Variants in CFAP47 observed in about 807,000 individuals in gnomAD.
The protein encoded by CFAP47 is cilia and flagella associated protein 47, also known as cilia- and flagella-associated protein 47.
A neutral mutation model predicts 148.1 loss-of-function variants in CFAP47; 29 were observed. That is an observed-to-expected ratio of 0.20 (90% CI 0.15 to 0.27). The LOEUF is 0.27. CFAP47 is among the 10% of genes least tolerant of loss of function. CFAP47 has a pLI of 1.00. For synonymous variants in CFAP47, 664 were observed against 577.3 expected (o/e 1.15, Z -2.15); for missense variants, 1,872 against 1,697.5 (o/e 1.10, Z -1.81).
intron 2 of CFAP47, among the ~76,000 whole-genome samples, chrX:35,938,437 T>C (rs1935950187): frequency 8.9e-6 from 1 of 111,814 alleles, no homozygotes; most frequent in African/African-American, 3.2e-5. Flanking sequence ...TAATAATTCT[T>C]ATAAATGATA....
At chrX:35,924,454 T>C (rs1424659678) in intron 1 of CFAP47, among the ~76,000 whole-genome samples, 1 of 106,953 alleles carries the variant, frequency 9.3e-6, no homozygotes, top group Non-Finnish European at 2.0e-5. Flanking sequence ...CCTATATGTG[T>C]ATATAGGTGC....
At chrX:36,129,609 C>T (rs753692212) in intron 33 of CFAP47, among the ~76,000 whole-genome samples, 2 of 110,930 alleles carry the variant, frequency 1.8e-5, no homozygotes, top group East Asian at 2.8e-4. Flanking sequence ...AAACAAAATT[C>T]GAAAATGCCC....
At chrX:36,096,571 T>C (rs1938280991) in intron 30 of CFAP47, among the ~76,000 whole-genome samples, 1 of 111,607 alleles carries the variant, frequency 9.0e-6, no homozygotes, top group South Asian at 3.7e-4. Context: ...TCTTGCTTAA[T>C]TGACCCTTTT....
At chrX:35,928,867 T>A (rs1935783987) in intron 2 of CFAP47, among the ~76,000 whole-genome samples, 1 of 111,499 alleles carries the variant, frequency 9.0e-6, no homozygotes, top group Non-Finnish European at 1.9e-5. Flanking sequence ...AATTATTTCC[T>A]ATAGATGTTC....
At position 36,319,227 on chromosome X, in the gene CFAP47, A is replaced by G. The variant is rs1295080465; in HGVS notation, c.8363A>G (p.Asn2788Ser). The part of the protein sequence containing the change: ...IILTSVEHPR[N>S]LVMDHCWDSF... ...TAATTAGGTGTGGAACATCCCAGGA[A>G]TCTTGTCATGGATCATTGCTGGGAT... The change falls in exon 57 of 64, where the codon AAT becomes AGT. Residue 2788 changes from asparagine to serine, a missense_variant. Asn to Ser is a conservative substitution (Grantham distance 46, BLOSUM62 1). Transcript: ENST00000378653. 9.0e-6 allele frequency: 10 copies of G among 1,107,818 alleles called. No homozygotes were observed. The African/African-American group carries it at 1.9e-4, about 21-fold the overall frequency. 91.3% of individuals were successfully genotyped at this position (1,107,818 alleles called of 1,213,427 possible).
At chrX:36,114,923 G>A (rs1010837466) in intron 33 of CFAP47, among the ~76,000 whole-genome samples, 1 of 112,176 alleles carries the variant, frequency 8.9e-6, no homozygotes, top group Admixed American at 9.4e-5. Flanking sequence ...TCATGCAAGT[G>A]TTCACTCCAG....
chrX:36,253,141 G>T (rs1437046690), intron 49 of CFAP47, among the ~76,000 whole-genome samples: 1 of 111,940 alleles, frequency 8.9e-6, no homozygotes, highest in Non-Finnish European at 1.9e-5. Flanking sequence ...ATGTTGGTTT[G>T]AAAAAATTTG....
At chrX:36,070,496 CTTTTTTTTTTT>C (rs34621358) in intron 27 of CFAP47, among the ~76,000 whole-genome samples, 3 of 91,218 alleles carry the variant, frequency 3.3e-5, no homozygotes, top group Non-Finnish European at 6.6e-5. Flanking sequence ...TTTTCTTTTC[CTTTTTTTTTTT>C]TTTTTTTTGA....
chrX:36,290,067 C>T (rs1343655481), intron 51 of CFAP47, among the ~76,000 whole-genome samples: 1 of 110,307 alleles, frequency 9.1e-6, no homozygotes, highest in African/African-American at 3.3e-5. Context: ...TCTCTTCCTC[C>T]TCCCCGCCCC....
chrX:36,319,339 C>T (rs1461526945), intron 57 of CFAP47, 32 bp downstream of exon 57: 1 of 683,575 alleles, frequency 1.5e-6, no homozygotes, highest in Non-Finnish European at 2.1e-6. Context: ...TTCTATCATT[C>T]TGTTTGTTGT....
chrX:36,161,107 A>G (rs1602019567), intron 39 of CFAP47, among the ~76,000 whole-genome samples: 1 of 110,828 alleles, frequency 9.0e-6, no homozygotes, highest in East Asian at 2.8e-4. Flanking sequence ...TGGTCTCCCA[A>G]AGTTCTGGGA....
At position 36,112,567 on chromosome X, in the gene CFAP47, T is replaced by A. The variant is rs752988664; in HGVS notation, c.5320+7876T>A. Among the ~76,000 whole-genome samples the A allele has an allele frequency of 2.7e-5, 3 of 111,768 alleles. No homozygotes were observed. The East Asian group carries it at 8.5e-4, about 32-fold the overall frequency. ...ATGTGTCATGTGGCAATTAGAAGAATGTATACCCTGTTGCTTTTGGGTGGA... is the reference window on the plus strand; with the variant it reads ...ATGTGTCATGTGGCAATTAGAAGAAAGTATACCCTGTTGCTTTTGGGTGGA... On this transcript the variant is annotated intron_variant, in intron 33 of 63. Coordinates refer to ENST00000378653, the MANE Select transcript of CFAP47 (RefSeq NM_001304548.2).
At chrX:36,029,463 G>A (rs1053342813) in intron 22 of CFAP47, among the ~76,000 whole-genome samples, 13 of 110,244 alleles carry the variant, frequency 1.2e-4, no homozygotes, top group African/African-American at 3.9e-4. Context: ...GTTCCTTAAG[G>A]TGTAAAATTA....
At chrX:36,168,364 C>G (rs369712308) in intron 39 of CFAP47, among the ~76,000 whole-genome samples, 3 of 111,325 alleles carry the variant, frequency 2.7e-5, no homozygotes, top group Non-Finnish European at 5.7e-5. Flanking sequence ...AATAGTTACC[C>G]TGAGGATTAC....
chrX:36,105,860 T>A (rs1938457984), intron 33 of CFAP47, among the ~76,000 whole-genome samples: 1 of 112,605 alleles, frequency 8.9e-6, no homozygotes, highest in Non-Finnish European at 1.9e-5. Flanking sequence ...TGGTTCTAAT[T>A]TTACCAAAAC....
At chrX:36,155,285 C>T (rs915273854) in intron 37 of CFAP47, among the ~76,000 whole-genome samples, 4 of 111,409 alleles carry the variant, frequency 3.6e-5, no homozygotes, top group African/African-American at 1.3e-4. Context: ...TTAAAAGATT[C>T]GCTCAAATGC....
At chrX:35,984,606 G>A (rs753299432) in intron 15 of CFAP47, among the ~76,000 whole-genome samples, 6 of 111,175 alleles carry the variant, frequency 5.4e-5, no homozygotes, top group African/African-American at 2.0e-4. Flanking sequence ...TAAAATTTCT[G>A]CTTAATACTG....
chrX:36,132,862 A>G (rs5972018), intron 33 of CFAP47, among the ~76,000 whole-genome samples: 15,804 of 111,247 alleles, frequency 0.14, 2,354 homozygotes, highest in African/African-American at 0.45. Flanking sequence ...ACAAAAATAG[A>G]TGCCCTGGTT....
chrX:36,222,964 A>C (rs1555990971), intron 45 of CFAP47, among the ~76,000 whole-genome samples: 1 of 111,123 alleles, frequency 9.0e-6, no homozygotes, highest in Non-Finnish European at 1.9e-5. Flanking sequence ...GTTTCACATG[A>C]ATGGTTTAGC....
Sources: gnomAD v4.1 joint callset for allele counts (sites outside exome capture counted in the v4.1 genomes callset) on GRCh38, gnomAD v4.1.1 for gene constraint, MANE v1.5 for transcripts, NCBI Gene and HGNC (gene_info 2026-07-23, HGNC 2026-07-21) for gene names.